TMEM132B: variants seen among roughly 807,000 people sequenced by gnomAD.
TMEM132B encodes transmembrane protein 132B.
A neutral mutation model predicts 90.8 loss-of-function variants in TMEM132B; 18 were observed. The observed-to-expected ratio is 0.20, with a 90% CI of 0.14 to 0.29. The LOEUF is 0.29. Ranked by LOEUF, TMEM132B falls within the 10% of genes least tolerant of loss-of-function variation. The pLI is 1.00. For synonymous variants in TMEM132B, 504 were observed against 523.3 expected (o/e 0.96, Z 0.50); for missense variants, 1,096 against 1,326.8 (o/e 0.83, Z 2.70).
intron 5 of TMEM132B, among the ~76,000 whole-genome samples, chr12:125,609,819 A>C (rs1236765483): frequency 1.4e-5 from 1 of 69,206 alleles, no homozygotes; most frequent in East Asian, 3.6e-4. Flanking sequence ...TCTGTCTCAA[A>C]AAAAAAAAAA....
intron 4 of TMEM132B, among the ~76,000 whole-genome samples, chr12:125,579,638 A>G (rs1453653860): frequency 1.3e-5 from 2 of 152,162 alleles, no homozygotes; most frequent in African/African-American, 2.4e-5. Context: ...CTGGGATTAC[A>G]GGTGTGAGCC....
intron 1 of TMEM132B, among the ~76,000 whole-genome samples, chr12:125,316,322 C>T (rs1265589370): frequency 6.6e-6 from 1 of 152,154 alleles, no homozygotes; most frequent in East Asian, 1.9e-4. Context: ...ATCCAAGCTC[C>T]TGGTGGGGGG....
rs1029114017 is a variant in TMEM132B at position 125,655,906 on chromosome 12, G to A, written c.*1196G>A. The stretch of plus-strand genomic sequence containing the variant: ...AAAACTCAATCATGACTTTGGCAGA[G>A]ATAAAACATTGACAAGGGTGTGCAT... On this transcript the variant is annotated 3_prime_UTR_variant, in exon 9 of 9. Transcript: ENST00000682704. 2 of 151,812 alleles carry A rather than the reference G, an allele frequency of 1.3e-5. No homozygotes were observed. Among genetic ancestry groups the A allele is most frequent in the African/African-American group, 4.8e-5 (2 of 41,312 alleles). The allele number at this position is 151,812 out of a possible 1,614,324, so 9.4% of individuals were successfully genotyped here. A position where few individuals can be genotyped will look rare whatever the true frequency, so the allele number is the denominator to read the frequency against.
In TMEM132B at chr12:125,415,866, C is replaced by T. The variant is rs142897966; in HGVS notation, c.1106+189C>T. ...ATCACAGCGTCGGGTTTGGTAACCG[C>T]GTTTTAAATTTTTATCTTTATTATT... On this transcript the variant is annotated intron_variant, in intron 3 of 8. Transcript: ENST00000682704. The surrounding 1 kb of genome is among the most constrained non-coding windows in gnomAD (Gnocchi z 5.3). Among the ~76,000 whole-genome samples, 15 of 152,176 alleles carry T rather than the reference C, an allele frequency of 9.9e-5. No individual in the cohort carries two copies. Among genetic ancestry groups the T allele is most frequent in the Non-Finnish European group, 1.8e-4 (12 of 68,002 alleles).
intron 5 of TMEM132B, among the ~76,000 whole-genome samples, chr12:125,588,621 C>T (rs1885233884): frequency 1.3e-5 from 2 of 151,324 alleles, no homozygotes; most frequent in South Asian, 4.2e-4. Flanking sequence ...AGCCACCACG[C>T]CCCTCTACAC....
At position 125,607,307 on chromosome 12, in the gene TMEM132B, A is replaced by G. The variant is rs116996343; in HGVS notation, c.1437+23313A>G. 1.4e-3 allele frequency among the ~76,000 whole-genome samples: 208 copies of G among 152,334 alleles called. 3 individuals are homozygous for G. The highest frequency in any genetic ancestry group is 1.0e-3 in the Non-Finnish European group (68 of 68,028). ...GTTTGTGAATTGAGCAGCTCACAGA[A>G]CGAAAAGAGGTTTAGAGACCTCTGC... On this transcript the variant is annotated intron_variant, in intron 5 of 8. Coordinates refer to ENST00000682704, the MANE Select transcript of TMEM132B (RefSeq NM_001366854.1).
intron 3 of TMEM132B, among the ~76,000 whole-genome samples, chr12:125,472,460 T>G (rs1881749234): frequency 6.6e-6 from 1 of 152,220 alleles, no homozygotes; most frequent in Non-Finnish European, 1.5e-5. Context: ...TTAGGTGTCC[T>G]CACAGCCCAT....
chr12:125,284,422 G>A (rs1330417544), intron 1 of TMEM132B, among the ~76,000 whole-genome samples: 1 of 152,218 alleles, frequency 6.6e-6, no homozygotes, highest in Non-Finnish European at 1.5e-5. Flanking sequence ...AGCTGTAGCA[G>A]TGGACAGAAC....
chr12:125,224,099 A>G (rs953690597), intron 1 of TMEM132B, among the ~76,000 whole-genome samples: 1 of 152,222 alleles, frequency 6.6e-6, no homozygotes, highest in African/African-American at 2.4e-5. Context: ...GTTCAACCCC[A>G]TTGGAGTATG....
rs1486939545 is a variant in TMEM132B, at chr12:125,406,794, G to A, written c.960-8737G>A. Reference sequence around the variant, plus strand: ...GGAGGGTCCCCAAGACCACCCTCAGGTTCAGTAATTTTCTAGAAGGACTCA... The same window carrying A: ...GGAGGGTCCCCAAGACCACCCTCAGATTCAGTAATTTTCTAGAAGGACTCA... On this transcript the variant is annotated intron_variant, in intron 2 of 8. Coordinates refer to ENST00000682704, the MANE Select transcript of TMEM132B (RefSeq NM_001366854.1). This position sits in a 1 kb window ranked among gnomAD's most constrained non-coding sequence, Gnocchi z 8.3. Among the ~76,000 whole-genome samples the A allele has an allele frequency of 6.6e-6, 1 of 152,102 alleles. No individual in the cohort carries two copies. The highest frequency in any genetic ancestry group is 2.4e-5 in the African/African-American group (1 of 41,404).
At chr12:125,622,996 G>T (rs781477523) in intron 5 of TMEM132B, among the ~76,000 whole-genome samples, 7 of 152,094 alleles carry the variant, frequency 4.6e-5, no homozygotes, top group Non-Finnish European at 8.8e-5. Flanking sequence ...ACTAATTTAT[G>T]TACAGACCCT....
At chr12:125,625,133 T>TTTTTTTTA in intron 5 of TMEM132B, among the ~76,000 whole-genome samples, 1 of 130,898 alleles carries the variant, frequency 7.6e-6, no homozygotes. Context: ...TTGACTTCTT[T>TTTTTTTTA]TTTTTTTTTT....
chr12:125,575,239 T>A (rs1884915807), intron 4 of TMEM132B, among the ~76,000 whole-genome samples: 1 of 150,812 alleles, frequency 6.6e-6, no homozygotes, highest in African/African-American at 2.4e-5. Flanking sequence ...ACTTGTTATT[T>A]TATGTCTTTT....
At position 125,266,111 on chromosome 12, in the gene TMEM132B, C is replaced by A. The variant is rs190734737; in HGVS notation, c.67+79245C>A. Among the ~76,000 whole-genome samples, 738 of 152,146 alleles carry A rather than the reference C, an allele frequency of 4.9e-3. 4 individuals are homozygous for A. Among genetic ancestry groups the A allele is most frequent in the Non-Finnish European group, 7.9e-3 (536 of 67,990 alleles). Reference sequence around the variant, plus strand: ...AGGTGTGGTGGCGGGCATCTGTGATCCCAGCTACTAGGGAGACTGAGGCAG... The same window carrying A: ...AGGTGTGGTGGCGGGCATCTGTGATACCAGCTACTAGGGAGACTGAGGCAG... On this transcript the variant is annotated intron_variant, in intron 1 of 8. Coordinates refer to ENST00000682704, the MANE Select transcript of TMEM132B (RefSeq NM_001366854.1).
At chr12:125,317,472 C>T (rs1477485623) in intron 1 of TMEM132B, among the ~76,000 whole-genome samples, 1 of 152,164 alleles carries the variant, frequency 6.6e-6, no homozygotes, top group Non-Finnish European at 1.5e-5. Flanking sequence ...TGCTCCCCTT[C>T]AGTCTTTTGT....
At position 125,349,603 on chromosome 12, in the gene TMEM132B, C is replaced by T. The variant is rs1877487497; in HGVS notation, c.219C>T (p.Ala73=). The T allele has an allele frequency of 6.2e-7, 1 of 1,614,108 alleles. No individual in the cohort carries two copies. Among genetic ancestry groups the T allele is most frequent in the East Asian group, 2.2e-5 (1 of 44,880 alleles). Residue 73 remains alanine, a synonymous_variant, in exon 2 of 9, where the codon GCC becomes GCT. Transcript: ENST00000682704. The surrounding 1 kb of genome is among the most constrained non-coding windows in gnomAD (Gnocchi z 4.1). The part of the protein sequence containing the change: ...QDLTRNSSLQ[A]RVEPFFIYRA... ...TCACAAGGAACTCCAGTCTGCAGGC[C>T]CGGGTGGAGCCATTCTTCATCTACC...
chr12:125,329,527 G>A (rs558718108), intron 1 of TMEM132B, among the ~76,000 whole-genome samples: 1 of 152,290 alleles, frequency 6.6e-6, no homozygotes, highest in East Asian at 1.9e-4. Flanking sequence ...TCCACCCTTG[G>A]GTCTGGGGTC....
At chr12:125,245,731 G>A (rs1252540476) in intron 1 of TMEM132B, among the ~76,000 whole-genome samples, 1 of 152,188 alleles carries the variant, frequency 6.6e-6, no homozygotes, top group African/African-American at 2.4e-5. Context: ...GGCAGCATTG[G>A]TTCTTCTGCC....
At chr12:125,569,947 A>G (rs1884750599) in intron 4 of TMEM132B, among the ~76,000 whole-genome samples, 1 of 151,904 alleles carries the variant, frequency 6.6e-6, no homozygotes, top group Admixed American at 6.6e-5. Context: ...ATCCATGGTG[A>G]CTTGAAGTGG....
Sources: gnomAD v4.1 joint callset for allele counts (sites outside exome capture counted in the v4.1 genomes callset) on GRCh38, gnomAD v4.1.1 for gene constraint, Gnocchi (gnomAD v3.1) non-coding constraint, MANE v1.5 for transcripts, NCBI Gene and HGNC (gene_info 2026-07-23, HGNC 2026-07-21) for gene names.